EXPH5: variants seen among roughly 807,000 people sequenced by gnomAD.
EXPH5 encodes exophilin-5.
In EXPH5, 42 loss-of-function variants were observed where a neutral mutation model predicts 41.1. That is an observed-to-expected ratio of 1.02 (90% CI 0.80 to 1.32). EXPH5 has a LOEUF of 1.32. EXPH5 is among the 40% of genes most tolerant of loss of function. The pLI, the probability that EXPH5 is intolerant of heterozygous loss-of-function variation, is 0.00. For synonymous variants in EXPH5, 798 were observed against 833.5 expected (o/e 0.96, Z 0.73); for missense variants, 2,298 against 2,314.5 (o/e 0.99, Z 0.15).
rs142022171 is a variant in EXPH5, at chr11:108,519,481, G to A, written c.493-1108C>T. ...TGTGAACTTGGCCGCGTGCAGTGGC[G>A]CACACCTGTAATCCCCGCACTTTGA... On this transcript the variant is annotated intron_variant, in intron 4 of 5. Coordinates refer to ENST00000265843, the MANE Select transcript of EXPH5 (RefSeq NM_015065.3). Among the ~76,000 whole-genome samples, 82 of 152,170 alleles carry A rather than the reference G, an allele frequency of 5.4e-4. 4 individuals are homozygous for A. The East Asian group carries it at 0.01, about 19-fold the overall frequency.
In EXPH5 at chr11:108,512,166, G is replaced by A; in HGVS notation, c.3341C>T (p.Pro1114Leu). The A allele has an allele frequency of 6.2e-7, 1 of 1,611,968 alleles. No individual in the cohort carries two copies. Among genetic ancestry groups the A allele is most frequent in the Non-Finnish European group, 8.5e-7 (1 of 1,179,200 alleles). Residue 1114 changes from proline to leucine, a missense_variant, in exon 6 of 6, where the codon CCA (proline) becomes CTA (leucine). Transcript: ENST00000265843. ...SSGSTSVRKG[P>L]LPFLINRAMS... ...AGCCCTGTTGATGAGGAATGGAAGT[G>A]GTCCTTTTCTAACGGAAGTAGATCC...
rs994525747 is a variant in EXPH5 at position 108,509,855 on chromosome 11, G to A, written c.5652C>T (p.Ile1884=). Reference sequence around the variant, plus strand: ...GTTCTTTCCCAAAGATCCCATAGTCGATAGGTCTGTATATAGATATTGCAG... The same window carrying A: ...GTTCTTTCCCAAAGATCCCATAGTCAATAGGTCTGTATATAGATATTGCAG... ...PRSAISIYRP[I]DYGIFGKEQQ... The change falls in exon 6 of 6, where the codon ATC becomes ATT. Residue 1884 remains isoleucine, a synonymous_variant. Coordinates refer to ENST00000265843, the MANE Select transcript of EXPH5 (RefSeq NM_015065.3). 29 of 1,613,116 alleles carry A rather than the reference G, an allele frequency of 1.8e-5. No homozygotes were observed. Among genetic ancestry groups the A allele is most frequent in the Non-Finnish European group, 2.3e-5 (27 of 1,179,780 alleles).
chr11:108,511,528 C>G lies in EXPH5; in HGVS notation c.3979G>C (p.Glu1327Gln), dbSNP rs368175700. ...SVNSDQTLTT[E>Q]NMTAFRLSNR... Reference sequence around the variant, plus strand: ...GATAATCGGAAGGCAGTCATATTTTCAGTGGTGAGCGTCTGATCAGAGTTG... The same window carrying G: ...GATAATCGGAAGGCAGTCATATTTTGAGTGGTGAGCGTCTGATCAGAGTTG... The change falls in exon 6 of 6, where the codon GAA becomes CAA. Residue 1327 changes from glutamate (E) to glutamine (Q), a missense_variant. Physicochemically the swap from Glu to Gln is conservative, Grantham distance 29. Coordinates refer to ENST00000265843, the MANE Select transcript of EXPH5 (RefSeq NM_015065.3). 10 of 1,605,120 alleles carry G rather than the reference C, an allele frequency of 6.2e-6. No individual in the cohort carries two copies. Among genetic ancestry groups the G allele is most frequent in the South Asian group, 1.1e-5 (1 of 88,788 alleles).
chr11:108,598,367 A>G (rs188667707), upstream of EXPH5, among the ~76,000 whole-genome samples: 11 of 152,344 alleles, frequency 7.2e-5, no homozygotes, highest in Admixed American at 5.9e-4. Context: ...GTATTTGTTT[A>G]ACCTGCTGTA....
intron 1 of EXPH5, among the ~76,000 whole-genome samples, chr11:108,548,794 C>T (rs150134355): frequency 1.3e-5 from 2 of 152,078 alleles, no homozygotes; most frequent in Non-Finnish European, 2.9e-5. Context: ...AGGAGCAAAA[C>T]AATTATAAAA....
chr11:108,570,129 G>A (rs1462643842), intron 1 of EXPH5, among the ~76,000 whole-genome samples: 2 of 152,222 alleles, frequency 1.3e-5, no homozygotes, highest in African/African-American at 4.8e-5. Context: ...GCCCCTGGAG[G>A]TATGGAATCT....
At position 108,569,435 on chromosome 11, in the gene EXPH5, G is replaced by T. The variant is rs561089248; in HGVS notation, c.119+23983C>A. On this transcript the variant is annotated intron_variant, in intron 1 of 5. Coordinates refer to ENST00000265843, the MANE Select transcript of EXPH5 (RefSeq NM_015065.3). ...GCTCACTGCAACCTCCGCCTCCTAGGTTCAAGCGATTCTCCTGCTTCAGCC... is the reference window on the plus strand; with the variant it reads ...GCTCACTGCAACCTCCGCCTCCTAGTTTCAAGCGATTCTCCTGCTTCAGCC... Among the ~76,000 whole-genome samples, 3 of 152,252 alleles carry T rather than the reference G, an allele frequency of 2.0e-5. No homozygotes were observed. In the East Asian group the frequency reaches 5.8e-4, roughly 29 times the overall value.
At position 108,511,084 on chromosome 11, in the gene EXPH5, C is replaced by A. The variant is rs1421314925; in HGVS notation, c.4423G>T (p.Gly1475Cys). Residue 1475 changes from glycine to cysteine, a missense_variant, in exon 6 of 6, where the codon GGC becomes TGC. Gly to Cys is a radical substitution (Grantham distance 159). Transcript: ENST00000265843. ...KDHTSTAVGD[G>C]SSGSQPREGR... ...TCCCTAGGCTGTGATCCACTGGAGC[C>A]ATCACCTACAGCTGTGGATGTGTGA... The A allele has an allele frequency of 1.9e-6, 3 of 1,614,006 alleles. No individual in the cohort carries two copies. Among genetic ancestry groups the A allele is most frequent in the Non-Finnish European group, 2.5e-6 (3 of 1,179,992 alleles).
chr11:108,580,099 A>G (rs945290174), intron 1 of EXPH5, among the ~76,000 whole-genome samples: 2 of 152,202 alleles, frequency 1.3e-5, no homozygotes, highest in African/African-American at 4.8e-5. Flanking sequence ...GAAACAATCA[A>G]CAGAGTGAAA....
Position 108,511,622 on chromosome 11 carries a change from T to C in EXPH5, c.3885A>G (p.Lys1295=). The C allele has an allele frequency of 6.2e-7, 1 of 1,610,900 alleles. No homozygotes were observed. Among genetic ancestry groups the C allele is most frequent in the Non-Finnish European group, 8.5e-7 (1 of 1,179,270 alleles). Residue 1295 remains lysine, a synonymous_variant, in exon 6 of 6, where the codon AAA becomes AAG. Coordinates refer to ENST00000265843, the MANE Select transcript of EXPH5 (RefSeq NM_015065.3). ...ETETFPNALE[K]DKQNYSTREQ... The stretch of plus-strand genomic sequence containing the variant: ...CTCGTGTAGAATAATTCTGTTTGTC[T>C]TTTTCTAAAGCGTTAGGAAATGTTT...
In EXPH5 at chr11:108,510,795, T is replaced by C; in HGVS notation, c.4712A>G (p.Glu1571Gly). The C allele has an allele frequency of 1.2e-6, 2 of 1,614,120 alleles. No individual in the cohort carries two copies. The highest frequency in any genetic ancestry group is 1.7e-6 in the Non-Finnish European group (2 of 1,180,022). The change falls in exon 6 of 6, where the codon GAA (glutamate) becomes GGA (glycine). Residue 1571 changes from glutamate (E) to glycine (G), a missense_variant. Coordinates refer to ENST00000265843, the MANE Select transcript of EXPH5 (RefSeq NM_015065.3). ...KSAWDQPSLPEGNKNKTNLDD... is the reference protein window; with the variant it reads ...KSAWDQPSLPGGNKNKTNLDD... ...CAAGTTGGTTTTATTTTTGTTTCCT[T>C]CAGGAAGTGAAGGTTGATCCCAAGC... is the stretch of plus-strand genomic sequence containing the variant.
Position 108,556,689 on chromosome 11 carries a change from G to T in EXPH5, c.120-14877C>A, listed in dbSNP as rs536566666. On this transcript the variant is annotated intron_variant, in intron 1 of 5. Transcript: ENST00000265843. The stretch of plus-strand genomic sequence containing the variant: ...GGGGTTTTGCCATGTTGGCCAGGCT[G>T]GTCTCGAACTCCTGGCCTCAAGTGA... 7.2e-5 allele frequency among the ~76,000 whole-genome samples: 11 copies of T among 152,274 alleles called. No homozygotes were observed. In the East Asian group the frequency reaches 2.1e-3, roughly 29 times the overall value.
intron 3 of EXPH5, among the ~76,000 whole-genome samples, chr11:108,533,828 C>G (rs879485914): frequency 6.6e-6 from 1 of 152,124 alleles, no homozygotes; most frequent in Non-Finnish European, 1.5e-5. Context: ...TAGGGTCTTG[C>G]TCTGTTGCCC....
At chr11:108,557,274 C>T (rs1465152895) in intron 1 of EXPH5, among the ~76,000 whole-genome samples, 1 of 151,944 alleles carries the variant, frequency 6.6e-6, no homozygotes, top group Non-Finnish European at 1.5e-5. Flanking sequence ...TTCCAGAAAA[C>T]AAGACAGACA....
chr11:108,597,860 AAAG>A (rs1330084195), upstream of EXPH5, among the ~76,000 whole-genome samples: 2 of 152,240 alleles, frequency 1.3e-5, no homozygotes, highest in Non-Finnish European at 2.9e-5. Flanking sequence ...TATTAGAACT[AAAG>A]AAGGAGTACG....
intron 1 of EXPH5, among the ~76,000 whole-genome samples, chr11:108,579,589 G>A (rs2094091458): frequency 6.6e-6 from 1 of 151,740 alleles, no homozygotes; most frequent in African/African-American, 2.4e-5. Context: ...ATAAGATAGA[G>A]TAAGTGCTTT....
intron 3 of EXPH5, among the ~76,000 whole-genome samples, chr11:108,536,856 T>G (rs1453468253): frequency 1.3e-5 from 2 of 152,244 alleles, no homozygotes; most frequent in East Asian, 3.8e-4. Context: ...ATTCTTTTTC[T>G]CTGATTTGCA....
At chr11:108,572,338 C>G (rs1209089468) in intron 1 of EXPH5, among the ~76,000 whole-genome samples, 1 of 152,162 alleles carries the variant, frequency 6.6e-6, no homozygotes, top group African/African-American at 2.4e-5. Flanking sequence ...CACGTTTACT[C>G]ACTGTCCCCT....
At position 108,537,552 on chromosome 11, in the gene EXPH5, G is replaced by A. The variant is rs182486094; in HGVS notation, c.443+1472C>T. Among the ~76,000 whole-genome samples the A allele has an allele frequency of 5.3e-5, 8 of 152,326 alleles. No individual in the cohort carries two copies. In the East Asian group the frequency reaches 7.7e-4, roughly 15 times the overall value. On this transcript the variant is annotated intron_variant, in intron 3 of 5. Coordinates refer to ENST00000265843, the MANE Select transcript of EXPH5 (RefSeq NM_015065.3). ...GAGCTGCAAGTATTTTGATATCTAA[G>A]AAGGACATTTGCTAAACAGAATGTT...
Sources: allele counts gnomAD v4.1 joint callset (sites outside exome capture counted in the v4.1 genomes callset), GRCh38; gene constraint gnomAD v4.1.1; transcripts MANE v1.5; gene names NCBI Gene and HGNC (gene_info 2026-07-23, HGNC 2026-07-21).